Variants in C1orf167 observed in about 807,000 individuals in gnomAD.
C1orf167 encodes the protein chromosome 1 open reading frame 167.
In C1orf167, 153 loss-of-function variants were observed where a neutral mutation model predicts 176.5. The observed-to-expected ratio is 0.87, with a 90% CI of 0.76 to 0.99. The LOEUF is 0.99. Ranked by LOEUF, C1orf167 falls within the 50% of genes least tolerant of loss-of-function variation. C1orf167 has a pLI of 0.00. For synonymous variants in C1orf167, 594 were observed against 752.7 expected (o/e 0.79, Z 3.45); for missense variants, 1,490 against 1,817.7 (o/e 0.82, Z 3.28).
At chr1:11,771,739 T>C in intron 7 of C1orf167, 103 bp downstream of exon 7, 1 of 717,532 alleles carries the variant, frequency 1.4e-6, no homozygotes, top group Non-Finnish European at 2.1e-6. Flanking sequence ...AATGAATGTT[T>C]ATTTTGCATC....
intron 20 of C1orf167, 156 bp from the exon 21 acceptor site, chr1:11,789,114 G>A (rs1644000657): frequency 1.6e-6 from 1 of 614,086 alleles, no homozygotes; most frequent in Non-Finnish European, 2.5e-6. Flanking sequence ...TTCTGAGCTT[G>A]TGCATTTGGC....
Position 11,778,749 on chromosome 1 carries a change from G to C in C1orf167, c.2429G>C (p.Ser810Thr), listed in dbSNP as rs1643448452. 1.5e-6 allele frequency: 2 copies of C among 1,303,998 alleles called. No individual in the cohort carries two copies. Among genetic ancestry groups the C allele is most frequent in the Non-Finnish European group, 2.0e-6 (2 of 988,866 alleles). 80.8% of individuals were successfully genotyped at this position (1,303,998 alleles called of 1,614,324 possible). The change falls in exon 11 of 21, where the codon AGC (serine) becomes ACC (threonine). Residue 810 changes from serine to threonine, a missense_variant. Transcript: ENST00000688073. Reference protein sequence around the residue: ...LRALGPDATSSCTKTPSALEP... With the variant: ...LRALGPDATSTCTKTPSALEP... ...GCACTGGGCCCAGATGCCACATCAA[G>C]CTGCACCAAGACCCCCTCGGCTCTG... is the stretch of plus-strand genomic sequence containing the variant.
Position 11,768,957 on chromosome 1 carries a change from T to C in C1orf167, c.1543-16T>C. The C allele has an allele frequency of 1.0e-6, 1 of 985,960 alleles. No individual in the cohort carries two copies. The highest frequency in any genetic ancestry group is 4.7e-5 in the South Asian group (1 of 21,290). 61.1% of individuals were successfully genotyped at this position (985,960 alleles called of 1,614,324 possible). On this transcript the variant is annotated splice_polypyrimidine_tract_variant and intron_variant, in intron 5 of 20. Transcript: ENST00000688073. The surrounding 1 kb of genome is among the most constrained non-coding windows in gnomAD (Gnocchi z 4.5). The stretch of plus-strand genomic sequence containing the variant: ...TTCAAGGCCAACATCTCCTTTCCCC[T>C]TCTCTCTTGAGCCAGTGGAGAAACC...
At chr1:11,769,735 A>C (rs1380965753) in intron 6 of C1orf167, among the ~76,000 whole-genome samples, 1 of 149,610 alleles carries the variant, frequency 6.7e-6, no homozygotes. Flanking sequence ...GCAGTGGCAC[A>C]ATCTCAGCTC....
At chr1:11,788,505 T>A (rs1464552131) in intron 19 of C1orf167, 127 bp downstream of exon 19, 2 of 1,115,672 alleles carry the variant, frequency 1.8e-6, no homozygotes, top group Non-Finnish European at 2.4e-6. Context: ...GGCCCAGGAA[T>A]CTGCATTCTT....
rs1209386376 is a variant in C1orf167 at position 11,766,152 on chromosome 1, G to A, written c.366G>A (p.Gln122=). ...AGGCCCGAGAGTTTGCCATCCAGCAGAGCAACCTGAGCATCAACGAGACCA... is the reference window on the plus strand; with the variant it reads ...AGGCCCGAGAGTTTGCCATCCAGCAAAGCAACCTGAGCATCAACGAGACCA... ...QGKAREFAIQ[Q]SNLSINETSS... is the part of the protein sequence containing the mutation. Residue 122 remains glutamine, a synonymous_variant, in exon 3 of 21, where the codon CAG becomes CAA. Coordinates refer to ENST00000688073, the MANE Select transcript of C1orf167 (RefSeq NM_001010881.2). This position sits in a 1 kb window ranked among gnomAD's most constrained non-coding sequence, Gnocchi z 4.5. 10 of 1,289,738 alleles carry A rather than the reference G, an allele frequency of 7.8e-6. No individual in the cohort carries two copies. The African/African-American group carries it at 1.5e-4, about 20-fold the overall frequency. The allele number at this position is 1,289,738 out of a possible 1,614,324, so 79.9% of individuals were successfully genotyped here. A position where few individuals can be genotyped will look rare whatever the true frequency, so the allele number is the denominator to read the frequency against.
intron 6 of C1orf167, among the ~76,000 whole-genome samples, chr1:11,769,963 A>G (rs1642976602): frequency 6.6e-6 from 1 of 152,024 alleles, no homozygotes; most frequent in South Asian, 2.1e-4. Context: ...CCTGGCCAGG[A>G]AGATTTTTTA....
rs2100799509 is a variant in C1orf167 at position 11,762,308 on chromosome 1, G to A, written c.-71+3G>A. On this transcript the variant is annotated splice_donor_region_variant and intron_variant, in intron 1 of 20. Transcript: ENST00000688073. ...GGACCCGAGGAGGACCCACGCACGT[G>A]AGGGCAGATCCATGAGGGCAGGAAA... 1 of 389,166 alleles carries A rather than the reference G, an allele frequency of 2.6e-6. No homozygotes were observed. The highest frequency in any genetic ancestry group is 2.1e-5 in the African/African-American group (1 of 48,254). The allele number at this position is 389,166 out of a possible 1,614,324, so 24.1% of individuals were successfully genotyped here.
intron 13 of C1orf167, among the ~76,000 whole-genome samples, chr1:11,781,541 T>A (rs996932464): frequency 6.6e-6 from 1 of 152,194 alleles, no homozygotes; most frequent in African/African-American, 2.4e-5. Flanking sequence ...CAGCTGCTTA[T>A]GCAGCCCAAT....
intron 1 of C1orf167, among the ~76,000 whole-genome samples, chr1:11,763,632 G>A (rs1045270967): frequency 3.9e-5 from 6 of 152,228 alleles, no homozygotes; most frequent in Admixed American, 3.9e-4. Context: ...GGCTCACGGG[G>A]CATTGAGGGG....
intron 8 of C1orf167, among the ~76,000 whole-genome samples, chr1:11,774,926 A>G (rs938571121): frequency 2.0e-5 from 3 of 152,194 alleles, no homozygotes; most frequent in Admixed American, 2.0e-4. Context: ...CAGAGGTGAT[A>G]GTGTCATGGC....
intron 7 of C1orf167, 91 bp downstream of exon 7, chr1:11,771,727 C>A: frequency 2.5e-6 from 2 of 802,530 alleles, no homozygotes; most frequent in Non-Finnish European, 3.6e-6. Flanking sequence ...GGACCCTGGG[C>A]GAATGAATGT....
In C1orf167 at chr1:11,775,429, T is replaced by C; in HGVS notation, c.1989-6T>C. ...TGACATGGGTACTTTCCCTCTGTTC[T>C]CCCAGGTGCTTCGGGGCGTGGCAGC... is the stretch of plus-strand genomic sequence containing the variant. On this transcript the variant is annotated splice_polypyrimidine_tract_variant and splice_region_variant and intron_variant, in intron 8 of 20. Transcript: ENST00000688073. The C allele has an allele frequency of 7.7e-7, 1 of 1,291,638 alleles. No homozygotes were observed. The highest frequency in any genetic ancestry group is 1.0e-6 in the Non-Finnish European group (1 of 982,534). The allele number at this position is 1,291,638 out of a possible 1,614,324, so 80.0% of individuals were successfully genotyped here. A position where few individuals can be genotyped will look rare whatever the true frequency, so the allele number is the denominator to read the frequency against.
In C1orf167 at chr1:11,773,994, C is replaced by G. The variant is rs561386506; in HGVS notation, c.1989-1441C>G. Among the ~76,000 whole-genome samples, 6 of 150,112 alleles carry G rather than the reference C, an allele frequency of 4.0e-5. No homozygotes were observed. In the East Asian group the frequency reaches 1.2e-3, roughly 31 times the overall value. The stretch of plus-strand genomic sequence containing the variant: ...TCATGTCTCACTGTAGCCTCAAATT[C>G]CTAGGCTCAAGGGATCCTCTCACCT... On this transcript the variant is annotated intron_variant, in intron 8 of 20. Coordinates refer to ENST00000688073, the MANE Select transcript of C1orf167 (RefSeq NM_001010881.2).
Position 11,787,846 on chromosome 1 carries a change from C to A in C1orf167, c.3674-27C>A, listed in dbSNP as rs1416380695. 2.5e-6 allele frequency: 3 copies of A among 1,205,004 alleles called. No homozygotes were observed. In the South Asian group the frequency reaches 4.6e-5, roughly 18 times the overall value. 74.6% of individuals were successfully genotyped at this position (1,205,004 alleles called of 1,614,324 possible). A position where few individuals can be genotyped will look rare whatever the true frequency, so the allele number is the denominator to read the frequency against. On this transcript the variant is annotated intron_variant, in intron 17 of 20. Transcript: ENST00000688073. ...GCTGCCTTCCTGGACCCACCTTAACCTCTTGTGACTCAACTCCCCTTTCCA... is the reference window on the plus strand; with the variant it reads ...GCTGCCTTCCTGGACCCACCTTAACATCTTGTGACTCAACTCCCCTTTCCA...
intron 14 of C1orf167, among the ~76,000 whole-genome samples, chr1:11,783,156 A>G (rs1459497863): frequency 6.6e-6 from 1 of 152,170 alleles, no homozygotes; most frequent in Non-Finnish European, 1.5e-5. Flanking sequence ...AAATTTGCGA[A>G]TGTTCAGTGT....
chr1:11,766,118 G>T lies in C1orf167; in HGVS notation c.332G>T (p.Arg111Leu). Residue 111 changes from arginine (R) to leucine (L), a missense_variant, in exon 3 of 21, where the codon CGC (arginine) becomes CTC (leucine). Physicochemically the swap from Arg to Leu is moderately radical, Grantham distance 102 (BLOSUM62 -2). Coordinates refer to ENST00000688073, the MANE Select transcript of C1orf167 (RefSeq NM_001010881.2). This position sits in a 1 kb window ranked among gnomAD's most constrained non-coding sequence, Gnocchi z 4.5. ...AACCTGCAGTCCCTGGCCAGGAGGC[G>T]CCAAGGGAAGGCCCGAGAGTTTGCC... Reference protein sequence around the residue: ...QSNLQSLARRRQGKAREFAIQ... With the variant: ...QSNLQSLARRLQGKAREFAIQ... 1.6e-6 allele frequency: 2 copies of T among 1,289,816 alleles called. No homozygotes were observed. The highest frequency in any genetic ancestry group is 2.5e-5 in the South Asian group (2 of 81,026). 79.9% of individuals were successfully genotyped at this position (1,289,816 alleles called of 1,614,324 possible).
chr1:11,785,239 C>T lies in C1orf167; in HGVS notation c.3517C>T (p.Leu1173=). The change falls in exon 16 of 21, where the codon CTG becomes TTG. Residue 1173 remains leucine, a synonymous_variant. Coordinates refer to ENST00000688073, the MANE Select transcript of C1orf167 (RefSeq NM_001010881.2). ...CCGGCCGGCTGAGCTCAGGCGCTTC[C>T]TGCGGACAGTGCAGCTCAGGGTGCG... ...QLRPAELRRF[L]RTVQLRVRLG... 1.5e-6 allele frequency: 2 copies of T among 1,291,520 alleles called. No homozygotes were observed. The highest frequency in any genetic ancestry group is 1.2e-5 in the South Asian group (1 of 81,000). The allele number at this position is 1,291,520 out of a possible 1,614,324, so 80.0% of individuals were successfully genotyped here.
At chr1:11,765,392 G>A (rs926983120) in intron 2 of C1orf167, among the ~76,000 whole-genome samples, 12 of 152,154 alleles carry the variant, frequency 7.9e-5, no homozygotes, top group East Asian at 5.8e-4. Context: ...ACCTTTAGCC[G>A]TGGCTCTATG....
Sources: gnomAD v4.1 joint callset for allele counts (sites outside exome capture counted in the v4.1 genomes callset) on GRCh38, gnomAD v4.1.1 for gene constraint, Gnocchi (gnomAD v3.1) non-coding constraint, MANE v1.5 for transcripts, NCBI Gene and HGNC (gene_info 2026-07-23, HGNC 2026-07-21) for gene names.